The following DPP6 variants were observed in gnomAD, a reference collection of about 807,000 sequenced individuals.
DPP6 encodes A-type potassium channel modulatory protein DPP6.
A neutral mutation model predicts 122.6 loss-of-function variants in DPP6; 69 were observed. That is an observed-to-expected ratio of 0.56 (90% CI 0.46 to 0.69). DPP6 has a LOEUF of 0.69. DPP6 is among the 30% of genes least tolerant of loss of function. DPP6 has a pLI of 0.00. For synonymous variants in DPP6, 418 were observed against 433.1 expected, an observed-to-expected ratio of 0.97 and a Z score of 0.43; for missense variants, 928 against 1,116.9, an observed-to-expected ratio of 0.83 and a Z score of 2.41.
intron 5 of DPP6, among the ~76,000 whole-genome samples, chr7:154,623,785 T>C (rs1436337103): frequency 2.0e-5 from 3 of 152,258 alleles, no homozygotes; most frequent in Admixed American, 6.5e-5. Flanking sequence ...AATATTACCA[T>C]TTATCAAGTT....
intron 16 of DPP6, among the ~76,000 whole-genome samples, chr7:154,819,074 A>G (rs1799598642): frequency 6.6e-6 from 1 of 152,162 alleles, no homozygotes; most frequent in Non-Finnish European, 1.5e-5. Flanking sequence ...GTGCCTTTCT[A>G]CATCAGAGGC....
chr7:154,734,261 A>G (rs1842475244), intron 8 of DPP6, among the ~76,000 whole-genome samples: 1 of 152,222 alleles, frequency 6.6e-6, no homozygotes. Flanking sequence ...GGAACCTGCC[A>G]CTGAGCCCCA....
At chr7:154,553,716 C>T (rs1425089281) in intron 4 of DPP6, among the ~76,000 whole-genome samples, 1 of 152,076 alleles carries the variant, frequency 6.6e-6, no homozygotes, top group Non-Finnish European at 1.5e-5. Context: ...TAGCCTTGGT[C>T]GCTGCAGTTA....
At chr7:153,922,012 C>T (rs917444110) in intron 1 of DPP6, among the ~76,000 whole-genome samples, 26 of 152,314 alleles carry the variant, frequency 1.7e-4, no homozygotes, top group Admixed American at 3.9e-4. Context: ...TCAGAGCCGA[C>T]GGCTTTGCAC....
intron 3 of DPP6, among the ~76,000 whole-genome samples, chr7:154,502,572 C>T (rs1489349300): frequency 1.3e-5 from 2 of 152,148 alleles, no homozygotes; most frequent in African/African-American, 2.4e-5. Flanking sequence ...CCATGTGAGA[C>T]GTGCCTTTCA....
chr7:154,460,504 C>T lies in DPP6; in HGVS notation c.358+14176C>T, dbSNP rs139109591. Among the ~76,000 whole-genome samples the T allele has an allele frequency of 1.7e-3, 257 of 152,190 alleles. 1 individual carries two copies. Among genetic ancestry groups the T allele is most frequent in the African/African-American group, 5.7e-3 (238 of 41,528 alleles). ...TCTTGTTCCATTGATTCTAAATGCGCCTCTTGACTTGTCACTAGATAATAT... is the reference window on the plus strand; with the variant it reads ...TCTTGTTCCATTGATTCTAAATGCGTCTCTTGACTTGTCACTAGATAATAT... On this transcript the variant is annotated intron_variant, in intron 2 of 25. Transcript: ENST00000377770.
chr7:154,786,388 G>C (rs1797336094), intron 10 of DPP6, among the ~76,000 whole-genome samples: 1 of 152,134 alleles, frequency 6.6e-6, no homozygotes, highest in Admixed American at 6.5e-5. Flanking sequence ...ATCTCATCTT[G>C]AATTGTAGTT....
chr7:154,528,758 T>C (rs1014705408), intron 3 of DPP6, among the ~76,000 whole-genome samples: 2 of 152,162 alleles, frequency 1.3e-5, no homozygotes, highest in Admixed American at 6.5e-5. Flanking sequence ...CAGAGAGAGA[T>C]TAATTCTGCC....
intron 1 of DPP6, among the ~76,000 whole-genome samples, chr7:154,445,160 C>CT (rs1819751606): frequency 6.6e-6 from 1 of 152,124 alleles, no homozygotes; most frequent in Admixed American, 6.6e-5. Flanking sequence ...GCATTGTCTA[C>CT]TTTTTAAGGC....
intron 1 of DPP6, among the ~76,000 whole-genome samples, chr7:154,226,438 A>G (rs747827900): frequency 6.6e-6 from 1 of 152,252 alleles, no homozygotes; most frequent in East Asian, 1.9e-4. Flanking sequence ...TGTGAAAGGC[A>G]TCAGTAAATA....
At chr7:154,705,797 C>T (rs1018060935) in intron 7 of DPP6, among the ~76,000 whole-genome samples, 1 of 152,242 alleles carries the variant, frequency 6.6e-6, no homozygotes, top group African/African-American at 2.4e-5. Flanking sequence ...TAGGCAAATA[C>T]TATCTTAAGT....
intron 17 of DPP6, among the ~76,000 whole-genome samples, chr7:154,854,523 G>GATGAGGA (rs1802661187): frequency 1.3e-5 from 2 of 152,152 alleles, no homozygotes; most frequent in Admixed American, 6.5e-5. Context: ...AAAGGTGGAG[G>GATGAGGA]ACGAGGAACA....
At chr7:153,867,307 A>G in the DPP6 span, among the ~76,000 whole-genome samples, 82 of 152,196 alleles carry the variant, frequency 5.4e-4, no homozygotes, top group South Asian at 3.1e-3. Context: ...CCATTTGTTC[A>G]TATCCTCTTT....
chr7:153,757,401 A>G, the DPP6 span, among the ~76,000 whole-genome samples: 1 of 152,230 alleles, frequency 6.6e-6, no homozygotes, highest in Non-Finnish European at 1.5e-5. Flanking sequence ...CTGACAATTC[A>G]CTGGGGCCTC....
chr7:154,289,798 C>T lies in DPP6; in HGVS notation c.244-156416C>T, dbSNP rs374635500. Among the ~76,000 whole-genome samples, 111 of 152,242 alleles carry T rather than the reference C, an allele frequency of 7.3e-4. 1 individual carries two copies. In the Middle Eastern group the frequency reaches 0.014, roughly 19 times the overall value. Reference sequence around the variant, plus strand: ...TCATTGCCTAACATCCCAACCCCAGCGTCTGATGGGGATGGCAGTCCTGGC... The same window carrying T: ...TCATTGCCTAACATCCCAACCCCAGTGTCTGATGGGGATGGCAGTCCTGGC... On this transcript the variant is annotated intron_variant, in intron 1 of 25. Transcript: ENST00000377770.
chr7:154,514,695 A>G (rs1826350524), intron 3 of DPP6, among the ~76,000 whole-genome samples: 1 of 152,168 alleles, frequency 6.6e-6, no homozygotes. Context: ...GGGTTCATCC[A>G]TGTTGTAGCC....
At chr7:154,262,632 G>A (rs1305284473) in intron 1 of DPP6, among the ~76,000 whole-genome samples, 2 of 139,920 alleles carry the variant, frequency 1.4e-5, no homozygotes, top group Non-Finnish European at 1.5e-5. Context: ...TTTTAAATAT[G>A]TTAGAAAGTG....
chr7:153,840,249 G>GA, the DPP6 span, among the ~76,000 whole-genome samples: 25 of 151,420 alleles, frequency 1.7e-4, no homozygotes, highest in Admixed American at 3.3e-4. Context: ...AAATATCAGA[G>GA]AAAAAAAACA....
intron 1 of DPP6, among the ~76,000 whole-genome samples, chr7:154,085,900 C>T (rs377653866): frequency 2.0e-5 from 3 of 152,034 alleles, no homozygotes; most frequent in South Asian, 2.1e-4. Context: ...GCTAATTTTT[C>T]GTATATTTAG....
Sources: gnomAD v4.1 joint callset for allele counts (sites outside exome capture counted in the v4.1 genomes callset) on GRCh38, gnomAD v4.1.1 for gene constraint, MANE v1.5 for transcripts, NCBI Gene and HGNC (gene_info 2026-07-23, HGNC 2026-07-21) for gene names.